The following STRADA variants were observed in gnomAD, a reference collection of about 807,000 sequenced individuals.
The protein encoded by STRADA is STE20-related kinase adapter protein alpha.
A neutral mutation model predicts 55.0 loss-of-function variants in STRADA; 26 were observed. The observed-to-expected ratio is 0.47, with a 90% CI of 0.35 to 0.66. STRADA has a LOEUF of 0.66. Among genes scored for constraint, STRADA ranks in the 30% least tolerant of loss-of-function variants. The probability of loss-of-function intolerance (pLI) is 0.01; values close to 1 mark genes in which losing one functional copy is unlikely to be tolerated. For synonymous variants in STRADA, 197 were observed against 210.9 expected (o/e 0.93, Z 0.57); for missense variants, 443 against 549.7 (o/e 0.81, Z 1.94).
intron 5 of STRADA, 85 bp from the exon 6 acceptor site, chr17:63,713,612 T>G (rs537085572): frequency 6.5e-7 from 1 of 1,542,054 alleles, no homozygotes; most frequent in Admixed American, 2.2e-5. Flanking sequence ...GGGACTTGAT[T>G]TCAAAAGAAA....
intron 1 of STRADA, chr17:63,737,363 A>G (rs1194466554): frequency 6.6e-6 from 1 of 150,940 alleles, no homozygotes; most frequent in African/African-American, 2.4e-5. Flanking sequence ...GCAGTGCAGA[A>G]TAACACTTGG....
intron 3 of STRADA, among the ~76,000 whole-genome samples, chr17:63,724,698 C>A (rs2037528733): frequency 1.3e-5 from 2 of 151,826 alleles, no homozygotes; most frequent in African/African-American, 4.8e-5. Context: ...ATGCATGAGC[C>A]ACCGTGCCCA....
At chr17:63,726,569 G>A in intron 3 of STRADA, 69 bp downstream of exon 3, 1 of 1,489,656 alleles carries the variant, frequency 6.7e-7, no homozygotes, top group Non-Finnish European at 9.3e-7. Context: ...GCTATAGATT[G>A]ATTTAGTCAA....
chr17:63,717,601 C>G (rs1297709682), intron 4 of STRADA, among the ~76,000 whole-genome samples: 1 of 152,170 alleles, frequency 6.6e-6, no homozygotes, highest in Non-Finnish European at 1.5e-5. Flanking sequence ...CTGCCTCAGC[C>G]TCCCAAGTAG....
chr17:63,740,185 A>ACAC (rs2038839780), intron 1 of STRADA, among the ~76,000 whole-genome samples: 1 of 103,340 alleles, frequency 9.7e-6, no homozygotes, highest in Admixed American at 9.6e-5. Context: ...CACACACACA[A>ACAC]CAAAGCAATA....
At chr17:63,710,441 G>A (rs754481584) in intron 8 of STRADA, 50 bp downstream of exon 8, 5 of 1,609,316 alleles carry the variant, frequency 3.1e-6, no homozygotes, top group Non-Finnish European at 3.4e-6. Flanking sequence ...TGAAGGCTCA[G>A]GGGCATAGCT....
Position 63,703,989 on chromosome 17 carries a change from G to GAACA in STRADA, c.1143+15_1143+16insTGTT. On this transcript the variant is annotated intron_variant, in intron 12 of 12. Transcript: ENST00000336174. ...CCAGAACTAGAACCAGAACCAGAACGAAGGGGCTACGATACCTGCTTGAAG... is the reference window on the plus strand; with the variant it reads ...CCAGAACTAGAACCAGAACCAGAACGAACAAAGGGGCTACGATACCTGCTTGAAG... 6 of 1,379,988 alleles carry GAACA rather than the reference G, an allele frequency of 4.3e-6. No homozygotes were observed. In the South Asian group the frequency reaches 4.5e-5, roughly 10 times the overall value. The allele number at this position is 1,379,988 out of a possible 1,614,324, so 85.5% of individuals were successfully genotyped here.
Position 63,723,457 on chromosome 17 carries a change from G to C in STRADA, c.95-131C>G, listed in dbSNP as rs567953582. ...CACTTAAAAGTCATTACAGCAAAAA[G>C]TGCCTGCGGGGCTACATATAAACAC... is the stretch of plus-strand genomic sequence containing the variant. On this transcript the variant is annotated intron_variant, in intron 3 of 12. Transcript: ENST00000336174. 893 of 994,050 alleles carry C rather than the reference G, an allele frequency of 9.0e-4. 2 individuals are homozygous for C. Among genetic ancestry groups the C allele is most frequent in the Non-Finnish European group, 1.0e-3 (659 of 641,764 alleles). 61.6% of individuals were successfully genotyped at this position (994,050 alleles called of 1,614,324 possible).
chr17:63,717,218 C>A (rs1206037323), intron 4 of STRADA: 1 of 152,204 alleles, frequency 6.6e-6, no homozygotes, highest in Admixed American at 6.5e-5. Flanking sequence ...AGAGCTTGAT[C>A]AGTAAAGTTG....
At chr17:63,739,982 G>A (rs1285481574) in intron 1 of STRADA, among the ~76,000 whole-genome samples, 3 of 146,798 alleles carry the variant, frequency 2.0e-5, no homozygotes, top group African/African-American at 7.5e-5. Context: ...ACCTGTTCCT[G>A]GTTTCAAACT....
chr17:63,712,995 C>T (rs577649291), intron 6 of STRADA, among the ~76,000 whole-genome samples: 30 of 108,150 alleles, frequency 2.8e-4, no homozygotes, highest in African/African-American at 1.1e-3. Flanking sequence ...AGTGAGAATC[C>T]GTCTCAAAAA....
At chr17:63,708,543 T>G (rs1414630729) in intron 8 of STRADA, among the ~76,000 whole-genome samples, 1 of 151,952 alleles carries the variant, frequency 6.6e-6, no homozygotes. Context: ...CATTTACATA[T>G]CACCAGATTA....
At chr17:63,740,435 C>G (rs1026199812) in intron 1 of STRADA, among the ~76,000 whole-genome samples, 1 of 151,826 alleles carries the variant, frequency 6.6e-6, no homozygotes, top group African/African-American at 2.4e-5. Context: ...CTGCTTGTAC[C>G]AAGGAGGCCG....
intron 6 of STRADA, among the ~76,000 whole-genome samples, chr17:63,711,984 G>A (rs1003283958): frequency 2.0e-5 from 3 of 152,020 alleles, no homozygotes; most frequent in African/African-American, 4.8e-5. Context: ...GGAGGAGAAG[G>A]CCAGCTGAGA....
chr17:63,731,772 G>A (rs949175116), intron 1 of STRADA, among the ~76,000 whole-genome samples: 26 of 152,156 alleles, frequency 1.7e-4, no homozygotes, highest in Admixed American at 1.4e-3. Flanking sequence ...GAGAAAATTA[G>A]TGTAAAGAGG....
intron 1 of STRADA, among the ~76,000 whole-genome samples, chr17:63,739,009 C>T (rs1244914571): frequency 2.7e-5 from 4 of 150,840 alleles, no homozygotes; most frequent in East Asian, 1.9e-4. Flanking sequence ...AAAAATTAGC[C>T]GGGTATGGTG....
At chr17:63,730,479 T>C (rs912909750) in intron 1 of STRADA, among the ~76,000 whole-genome samples, 2 of 151,422 alleles carry the variant, frequency 1.3e-5, no homozygotes, top group African/African-American at 4.9e-5. Flanking sequence ...CACTGCAACC[T>C]CTGCCTCCAG....
chr17:63,728,983 A>T (rs557257563), intron 1 of STRADA, among the ~76,000 whole-genome samples: 1 of 152,124 alleles, frequency 6.6e-6, no homozygotes, highest in South Asian at 2.1e-4. Flanking sequence ...CTCTTGACTT[A>T]ATCCCCCACT....
chr17:63,725,945 C>T (rs894490912), intron 3 of STRADA: 22 of 152,414 alleles, frequency 1.4e-4, no homozygotes, highest in African/African-American at 4.8e-4. Context: ...GCTGGGATTA[C>T]AGGCGTGAGC....
Sources: allele counts gnomAD v4.1 joint callset (sites outside exome capture counted in the v4.1 genomes callset), GRCh38; gene constraint gnomAD v4.1.1; transcripts MANE v1.5; gene names NCBI Gene and HGNC (gene_info 2026-07-23, HGNC 2026-07-21).